PRR18: variants seen among roughly 807,000 people sequenced by gnomAD.
PRR18 encodes proline-rich protein 18.
For missense variants in PRR18, 517 were observed against 437.4 expected, an observed-to-expected ratio of 1.18 and a Z score of -1.62; for synonymous variants, 228 against 220.2, an observed-to-expected ratio of 1.04 and a Z score of -0.32.
In PRR18 at chr6:166,307,548, G is replaced by C. The variant is rs1778119835; in HGVS notation, c.595C>G (p.Pro199Ala). 3 of 1,211,018 alleles carry C rather than the reference G, an allele frequency of 2.5e-6. No individual in the cohort carries two copies. Among genetic ancestry groups the C allele is most frequent in the Admixed American group, 8.8e-5 (2 of 22,694 alleles). The allele number at this position is 1,211,018 out of a possible 1,614,324, so 75.0% of individuals were successfully genotyped here. Residue 199 changes from proline (P) to alanine (A), a missense_variant, in exon 1 of 1, where the codon CCC becomes GCC. By Grantham distance (27) the Pro-to-Ala change is conservative (BLOSUM62 -1). Coordinates refer to ENST00000322583, the MANE Select transcript of PRR18 (RefSeq NM_175922.4). ...GCGCGGCGGCCCTGGCCGGCGGTGGGGGGTGCGTCGGGGTCGCTGGCGGGG... is the reference window on the plus strand; with the variant it reads ...GCGCGGCGGCCCTGGCCGGCGGTGGCGGGTGCGTCGGGGTCGCTGGCGGGG... ...GGPASDPDAP[P>A]TAGQGRRAPP...
rs1328376910 is a variant in PRR18, at chr6:166,307,415, C to G, written c.728G>C (p.Arg243Pro). Residue 243 changes from arginine (R) to proline (P), a missense_variant, in exon 1 of 1, where the codon CGG (arginine) becomes CCG (proline). By Grantham distance (103) the Arg-to-Pro change is moderately radical. Transcript: ENST00000322583. ...GTACTCCACGTCGTCGTACCTGTGC[C>G]GCTCGTTGAGCAGCGACACCTTGAG... Reference protein sequence around the residue: ...PMLKVSLLNERHRYDDVEYEE... With the variant: ...PMLKVSLLNEPHRYDDVEYEE... The G allele has an allele frequency of 3.8e-6, 6 of 1,560,504 alleles. No individual in the cohort carries two copies. In the African/African-American group the frequency reaches 5.6e-5, roughly 15 times the overall value.
rs2114865310 is a variant in PRR18, at chr6:166,305,328, T to G, written c.*1927A>C. 1 of 152,304 alleles carries G rather than the reference T, an allele frequency of 6.6e-6. No homozygotes were observed. The highest frequency in any genetic ancestry group is 1.9e-4 in the East Asian group (1 of 5,186). 9.4% of individuals were successfully genotyped at this position (152,304 alleles called of 1,614,324 possible). A position where few individuals can be genotyped will look rare whatever the true frequency, so the allele number is the denominator to read the frequency against. On this transcript the variant is annotated 3_prime_UTR_variant, in exon 1 of 1. Transcript: ENST00000322583. The stretch of plus-strand genomic sequence containing the variant: ...CTGAATTTCTCTTTTATTTAAGCAT[T>G]AAGAAATTGGAGCATAGCGACTTAG...
At position 166,306,883 on chromosome 6, in the gene PRR18, A is replaced by C; in HGVS notation, c.*372T>G. The C allele has an allele frequency of 5.1e-6, 1 of 195,388 alleles. No individual in the cohort carries two copies. The highest frequency in any genetic ancestry group is 1.0e-5 in the Non-Finnish European group (1 of 96,666). The allele number at this position is 195,388 out of a possible 1,614,324, so 12.1% of individuals were successfully genotyped here. ...CGCCTCCAGGCAGAGGGTCTCTGGG[A>C]CCTAGACGAACCCTGGGGGTCGGGG... On this transcript the variant is annotated 3_prime_UTR_variant, in exon 1 of 1. Coordinates refer to ENST00000322583, the MANE Select transcript of PRR18 (RefSeq NM_175922.4).
At position 166,308,343 on chromosome 6, in the gene PRR18, G is replaced by A; in HGVS notation, c.-201C>T. 2.3e-6 allele frequency: 1 copy of A among 444,102 alleles called. No homozygotes were observed. Among genetic ancestry groups the A allele is most frequent in the Non-Finnish European group, 3.7e-6 (1 of 273,366 alleles). 27.5% of individuals were successfully genotyped at this position (444,102 alleles called of 1,614,324 possible). On this transcript the variant is annotated 5_prime_UTR_variant, in exon 1 of 1. Coordinates refer to ENST00000322583, the MANE Select transcript of PRR18 (RefSeq NM_175922.4). ...CGCTCCCACCCTCCCCTCCTCCTGGGGGTGCTCCCGGGACTGGACCCTGCA... is the reference window on the plus strand; with the variant it reads ...CGCTCCCACCCTCCCCTCCTCCTGGAGGTGCTCCCGGGACTGGACCCTGCA...
Position 166,308,146 on chromosome 6 carries a change from G to A in PRR18, c.-4C>T. Reference sequence around the variant, plus strand: ...GCGGCATGGGCGGGAAGGGCATAGTGCAGCCGAGCCGCCGGATCCTCAGCC... The same window carrying A: ...GCGGCATGGGCGGGAAGGGCATAGTACAGCCGAGCCGCCGGATCCTCAGCC... On this transcript the variant is annotated 5_prime_UTR_variant, in exon 1 of 1. Coordinates refer to ENST00000322583, the MANE Select transcript of PRR18 (RefSeq NM_175922.4). 1 of 1,229,580 alleles carries A rather than the reference G, an allele frequency of 8.1e-7. No homozygotes were observed. The allele number at this position is 1,229,580 out of a possible 1,614,324, so 76.2% of individuals were successfully genotyped here. A position where few individuals can be genotyped will look rare whatever the true frequency, so the allele number is the denominator to read the frequency against.
chr6:166,307,492 G>A lies in PRR18; in HGVS notation c.651C>T (p.Gly217=). The change falls in exon 1 of 1, where the codon GGC becomes GGT. Residue 217 remains glycine, a synonymous_variant. Coordinates refer to ENST00000322583, the MANE Select transcript of PRR18 (RefSeq NM_175922.4). ...APPPGAQLLH[G]GLQVPQLSPR... The stretch of plus-strand genomic sequence containing the variant: ...GGCTGAGCTGGGGAACCTGCAGGCC[G>A]CCGTGCAGCAGCTGGGCGCCGGGCG... 7.2e-7 allele frequency: 1 copy of A among 1,382,200 alleles called. No homozygotes were observed. The highest frequency in any genetic ancestry group is 9.3e-7 in the Non-Finnish European group (1 of 1,070,486). 85.6% of individuals were successfully genotyped at this position (1,382,200 alleles called of 1,614,324 possible).
At position 166,307,916 on chromosome 6, in the gene PRR18, G is replaced by C. The variant is rs771372160; in HGVS notation, c.227C>G (p.Ser76Cys). Residue 76 changes from serine (S) to cysteine (C), a missense_variant, in exon 1 of 1, where the codon TCC becomes TGC. Transcript: ENST00000322583. ...CGCGCGGCTGGGCAAGGCCTGGGGG[G>C]AGACGCCCGGAGGGGCCGGCGGCTG... ...RTQPPAPPGV[S>C]PQALPSRARA... The C allele has an allele frequency of 2.1e-4, 263 of 1,224,924 alleles. No homozygotes were observed. Among genetic ancestry groups the C allele is most frequent in the Non-Finnish European group, 2.6e-4 (252 of 981,548 alleles). 75.9% of individuals were successfully genotyped at this position (1,224,924 alleles called of 1,614,324 possible).
rs1055583592 is a variant in PRR18 at position 166,308,272 on chromosome 6, G to C, written c.-130C>G. On this transcript the variant is annotated 5_prime_UTR_variant, in exon 1 of 1. Coordinates refer to ENST00000322583, the MANE Select transcript of PRR18 (RefSeq NM_175922.4). ...ACCTGCGTCCAGCCGCGGCCTCTCC[G>C]GCTTCCTCACATCCCAGCGACCAAA... is the stretch of plus-strand genomic sequence containing the variant. The C allele has an allele frequency of 8.2e-5, 76 of 925,248 alleles. No homozygotes were observed. The highest frequency in any genetic ancestry group is 1.1e-4 in the Non-Finnish European group (75 of 708,880). The allele number at this position is 925,248 out of a possible 1,614,324, so 57.3% of individuals were successfully genotyped here. A position where few individuals can be genotyped will look rare whatever the true frequency, so the allele number is the denominator to read the frequency against.
Position 166,307,954 on chromosome 6 carries a change from G to C in PRR18, c.189C>G (p.Gly63=), listed in dbSNP as rs1221894597. The C allele has an allele frequency of 8.1e-7, 1 of 1,230,208 alleles. No homozygotes were observed. The highest frequency in any genetic ancestry group is 4.1e-5 in the South Asian group (1 of 24,230). The allele number at this position is 1,230,208 out of a possible 1,614,324, so 76.2% of individuals were successfully genotyped here. Residue 63 remains glycine (G), a synonymous_variant, in exon 1 of 1, where the codon GGC becomes GGG. Transcript: ENST00000322583. ...LKRPPARRGP[G]LDRTQPPAPP... ...GGGCCGGCGGCTGCGTCCTGTCCAGGCCGGGGCCGCGCCGGGCCGGCGGCC... is the reference window on the plus strand; with the variant it reads ...GGGCCGGCGGCTGCGTCCTGTCCAGCCCGGGGCCGCGCCGGGCCGGCGGCC...
rs75291681 is a variant in PRR18, at chr6:166,307,342, C to A, written c.801G>T (p.Thr267=). 6 of 1,574,184 alleles carry A rather than the reference C, an allele frequency of 3.8e-6. No homozygotes were observed. In the East Asian group the frequency reaches 1.2e-4, roughly 31 times the overall value. ...AVDEGLVRKC[T]EWLRGVESAA... ...CGGACTCCACGCCGCGCAGCCACTCCGTGCACTTGCGTACCAGGCCCTCGT... is the reference window on the plus strand; with the variant it reads ...CGGACTCCACGCCGCGCAGCCACTCAGTGCACTTGCGTACCAGGCCCTCGT... The change falls in exon 1 of 1, where the codon ACG becomes ACT. Residue 267 remains threonine (T), a synonymous_variant. Transcript: ENST00000322583.
Position 166,305,536 on chromosome 6 carries a change from A to G in PRR18, c.*1719T>C, listed in dbSNP as rs1434251195. 1 of 152,202 alleles carries G rather than the reference A, an allele frequency of 6.6e-6. No homozygotes were observed. The highest frequency in any genetic ancestry group is 1.9e-4 in the East Asian group (1 of 5,198). The allele number at this position is 152,202 out of a possible 1,614,324, so 9.4% of individuals were successfully genotyped here. The stretch of plus-strand genomic sequence containing the variant: ...TATTTAATAAATACAAATTACTAAA[A>G]ATGCGCTTAGTGTTGTATTGTGGCC... On this transcript the variant is annotated 3_prime_UTR_variant, in exon 1 of 1. Coordinates refer to ENST00000322583, the MANE Select transcript of PRR18 (RefSeq NM_175922.4).
At position 166,306,496 on chromosome 6, in the gene PRR18, G is replaced by T. The variant is rs1276251466; in HGVS notation, c.*759C>A. 6.6e-6 allele frequency: 1 copy of T among 152,220 alleles called. No homozygotes were observed. Among genetic ancestry groups the T allele is most frequent in the Non-Finnish European group, 1.5e-5 (1 of 68,050 alleles). The allele number at this position is 152,220 out of a possible 1,614,324, so 9.4% of individuals were successfully genotyped here. A position where few individuals can be genotyped will look rare whatever the true frequency, so the allele number is the denominator to read the frequency against. On this transcript the variant is annotated 3_prime_UTR_variant, in exon 1 of 1. Transcript: ENST00000322583. ...CTCCAGTTAGCGGGGGAAAGGATAT[G>T]GTTACGAAACAGCGGAGGAGCTTTA...
chr6:166,306,892 A>G lies in PRR18; in HGVS notation c.*363T>C, dbSNP rs1778103643. The G allele has an allele frequency of 4.8e-6, 1 of 207,900 alleles. No individual in the cohort carries two copies. The highest frequency in any genetic ancestry group is 6.1e-5 in the Admixed American group (1 of 16,526). 12.9% of individuals were successfully genotyped at this position (207,900 alleles called of 1,614,324 possible). ...GCAGAGGGTCTCTGGGACCTAGACG[A>G]ACCCTGGGGGTCGGGGCACCAAGAG... On this transcript the variant is annotated 3_prime_UTR_variant, in exon 1 of 1. Coordinates refer to ENST00000322583, the MANE Select transcript of PRR18 (RefSeq NM_175922.4).
In PRR18 at chr6:166,306,987, TG is replaced by T. The variant is rs143023200; in HGVS notation, c.*267del. 0.015 allele frequency: 5,938 copies of T among 394,102 alleles called. 304 individuals are homozygous for T. The highest frequency in any genetic ancestry group is 0.11 in the African/African-American group (5,292 of 47,922). The allele number at this position is 394,102 out of a possible 1,614,324, so 24.4% of individuals were successfully genotyped here. A position where few individuals can be genotyped will look rare whatever the true frequency, so the allele number is the denominator to read the frequency against. On this transcript the variant is annotated 3_prime_UTR_variant, in exon 1 of 1. Coordinates refer to ENST00000322583, the MANE Select transcript of PRR18 (RefSeq NM_175922.4). ...CGGCGATGCCAAGAGGAGGCCAGAG[TG>T]GGGGCAGAGGCAGGCATCTGGGGTA...
At position 166,307,437 on chromosome 6, in the gene PRR18, T is replaced by C; in HGVS notation, c.706A>G (p.Lys236Glu). ...TGCCGCTCGTTGAGCAGCGACACCTTGAGCATCGGCCGCAGGGCCCCGGGC... is the reference window on the plus strand; with the variant it reads ...TGCCGCTCGTTGAGCAGCGACACCTCGAGCATCGGCCGCAGGGCCCCGGGC... Reference protein sequence around the residue: ...PRPGALRPMLKVSLLNERHRY... With the variant: ...PRPGALRPMLEVSLLNERHRY... Residue 236 changes from lysine (K) to glutamate (E), a missense_variant, in exon 1 of 1, where the codon AAG becomes GAG. Lys to Glu is a moderately conservative substitution (Grantham distance 56). Transcript: ENST00000322583. The C allele has an allele frequency of 6.5e-7, 1 of 1,546,682 alleles. No individual in the cohort carries two copies. Among genetic ancestry groups the C allele is most frequent in the Non-Finnish European group, 8.7e-7 (1 of 1,155,470 alleles).
Position 166,307,609 on chromosome 6 carries a change from A to C in PRR18, c.534T>G (p.Cys178Trp). ...SAEPRRLLAP[C>W]LPARAAGPRR... The stretch of plus-strand genomic sequence containing the variant: ...GCGGGCCCGCGGCCCTAGCCGGGAG[A>C]CACGGGGCGAGTAGGCGCCTGGGTT... The change falls in exon 1 of 1, where the codon TGT becomes TGG. Residue 178 changes from cysteine (C) to tryptophan (W), a missense_variant. Coordinates refer to ENST00000322583, the MANE Select transcript of PRR18 (RefSeq NM_175922.4). The C allele has an allele frequency of 7.7e-7, 1 of 1,301,578 alleles. No homozygotes were observed. Among genetic ancestry groups the C allele is most frequent in the Non-Finnish European group, 9.8e-7 (1 of 1,022,140 alleles). 80.6% of individuals were successfully genotyped at this position (1,301,578 alleles called of 1,614,324 possible).
chr6:166,308,330 C>T lies in PRR18; in HGVS notation c.-188G>A, dbSNP rs1268859513. ...ACTCAAAGAGAGGCGCTCCCACCCT[C>T]CCCTCCTCCTGGGGGTGCTCCCGGG... On this transcript the variant is annotated 5_prime_UTR_variant, in exon 1 of 1. Coordinates refer to ENST00000322583, the MANE Select transcript of PRR18 (RefSeq NM_175922.4). 1.0e-5 allele frequency: 5 copies of T among 484,264 alleles called. No homozygotes were observed. The highest frequency in any genetic ancestry group is 1.6e-5 in the Non-Finnish European group (5 of 308,218). The allele number at this position is 484,264 out of a possible 1,614,324, so 30.0% of individuals were successfully genotyped here. A position where few individuals can be genotyped will look rare whatever the true frequency, so the allele number is the denominator to read the frequency against.
Position 166,307,534 on chromosome 6 carries a change from C to G in PRR18, c.609G>C (p.Gln203His). Reference protein sequence around the residue: ...SDPDAPPTAGQGRRAPPPGAQ... With the variant: ...SDPDAPPTAGHGRRAPPPGAQ... Reference sequence around the variant, plus strand: ...CGCCGGGCGGAGGCGCGCGGCGGCCCTGGCCGGCGGTGGGGGGTGCGTCGG... The same window carrying G: ...CGCCGGGCGGAGGCGCGCGGCGGCCGTGGCCGGCGGTGGGGGGTGCGTCGG... The change falls in exon 1 of 1, where the codon CAG becomes CAC. Residue 203 changes from glutamine (Q) to histidine (H), a missense_variant. Coordinates refer to ENST00000322583, the MANE Select transcript of PRR18 (RefSeq NM_175922.4). 1 of 1,218,952 alleles carries G rather than the reference C, an allele frequency of 8.2e-7. No individual in the cohort carries two copies. The highest frequency in any genetic ancestry group is 1.0e-6 in the Non-Finnish European group (1 of 980,976). 75.5% of individuals were successfully genotyped at this position (1,218,952 alleles called of 1,614,324 possible). A position where few individuals can be genotyped will look rare whatever the true frequency, so the allele number is the denominator to read the frequency against.
In PRR18 at chr6:166,306,853, AG is replaced by A. The variant is rs1778103138; in HGVS notation, c.*401del. 5.7e-6 allele frequency: 1 copy of A among 174,048 alleles called. No homozygotes were observed. Among genetic ancestry groups the A allele is most frequent in the Non-Finnish European group, 1.2e-5 (1 of 82,988 alleles). The allele number at this position is 174,048 out of a possible 1,614,324, so 10.8% of individuals were successfully genotyped here. A position where few individuals can be genotyped will look rare whatever the true frequency, so the allele number is the denominator to read the frequency against. ...GGGCGTGCAGATGTAGCCCTGGGGA[AG>A]GCCCGCCTCCAGGCAGAGGGTCTCT... On this transcript the variant is annotated 3_prime_UTR_variant, in exon 1 of 1. Coordinates refer to ENST00000322583, the MANE Select transcript of PRR18 (RefSeq NM_175922.4).
Sources: gnomAD v4.1 joint callset for allele counts on GRCh38, gnomAD v4.1.1 for gene constraint, MANE v1.5 for transcripts, NCBI Gene and HGNC (gene_info 2026-07-23, HGNC 2026-07-21) for gene names.